The following PLAC1 variants were observed in gnomAD, a reference collection of about 807,000 sequenced individuals.
PLAC1 encodes the protein placenta associated 1.
For missense variants in PLAC1, 136 were observed against 163.2 expected (o/e 0.83, Z 0.91); for synonymous variants, 68 against 62.1 (o/e 1.09, Z -0.44).
chrX:134,726,821 C>CAAAAAA (rs749819041), intron 2 of PLAC1, among the ~76,000 whole-genome samples: 1 of 42,822 alleles, frequency 2.3e-5, no homozygotes, highest in African/African-American at 1.1e-4. Context: ...GACTCTGTCT[C>CAAAAAA]AAAAAAAAAA....
At chrX:134,591,187 A>G (rs1414857470) in intron 2 of PLAC1, among the ~76,000 whole-genome samples, 1 of 112,478 alleles carries the variant, frequency 8.9e-6, no homozygotes, top group East Asian at 2.8e-4. Flanking sequence ...CAATACAGGC[A>G]AAAATCTCAT....
At chrX:134,660,938 T>C (rs1227008928), upstream of PLAC1, among the ~76,000 whole-genome samples, 2 of 111,365 alleles carry the variant, frequency 1.8e-5, no homozygotes, top group Admixed American at 9.5e-5. Flanking sequence ...TTTCTCAATG[T>C]TGTTTTAAAA....
intron 2 of PLAC1, among the ~76,000 whole-genome samples, chrX:134,701,355 A>T (rs1443445159): frequency 8.9e-6 from 1 of 111,976 alleles, no homozygotes; most frequent in East Asian, 2.8e-4. Context: ...TCTAGGAAAC[A>T]TCATTCTGGA....
At chrX:134,714,526 C>T (rs1197617733) in intron 2 of PLAC1, among the ~76,000 whole-genome samples, 3 of 111,560 alleles carry the variant, frequency 2.7e-5, no homozygotes, top group Non-Finnish European at 5.6e-5. Context: ...CCATTTTAAG[C>T]GTACGATTCA....
chrX:134,726,565 C>T (rs1367040347), intron 2 of PLAC1, among the ~76,000 whole-genome samples: 1 of 111,719 alleles, frequency 9.0e-6, no homozygotes, highest in Admixed American at 9.5e-5. Flanking sequence ...TGGCTCACGC[C>T]TGTAATCCCA....
At chrX:134,727,163 G>A (rs909976437) in intron 2 of PLAC1, among the ~76,000 whole-genome samples, 1 of 111,549 alleles carries the variant, frequency 9.0e-6, no homozygotes. Context: ...GTTAGCAGGG[G>A]TGTGCTCCCC....
At chrX:134,584,319 G>A (rs750318560) in intron 2 of PLAC1, among the ~76,000 whole-genome samples, 1 of 111,825 alleles carries the variant, frequency 8.9e-6, no homozygotes, top group African/African-American at 3.2e-5. Flanking sequence ...CCCAGCAAGG[G>A]GTATCCAGAT....
chrX:134,693,482 A>C (rs925215489), intron 2 of PLAC1, among the ~76,000 whole-genome samples: 1 of 112,271 alleles, frequency 8.9e-6, no homozygotes, highest in African/African-American at 3.2e-5. Flanking sequence ...ACAATCCTGC[A>C]AGGAAGATGC....
At chrX:134,617,987 G>A (rs1011700947) in intron 1 of PLAC1, among the ~76,000 whole-genome samples, 1 of 111,994 alleles carries the variant, frequency 8.9e-6, no homozygotes, top group Non-Finnish European at 1.9e-5. Flanking sequence ...GATAAAATGA[G>A]AACAGGGATG....
At chrX:134,641,406 A>G (rs2078307148) in intron 1 of PLAC1, among the ~76,000 whole-genome samples, 1 of 112,578 alleles carries the variant, frequency 8.9e-6, no homozygotes, top group South Asian at 3.7e-4. Context: ...GGCAGGTAGC[A>G]CAGAGTGGGT....
At chrX:134,577,186 T>C (rs778673251) in intron 2 of PLAC1, among the ~76,000 whole-genome samples, 51 of 112,264 alleles carry the variant, frequency 4.5e-4, no homozygotes, top group Non-Finnish European at 7.5e-4. Context: ...TTGGTGCTGA[T>C]ATTTGATGCC....
chrX:134,586,943 C>T (rs780786118), intron 2 of PLAC1, among the ~76,000 whole-genome samples: 1 of 107,768 alleles, frequency 9.3e-6, no homozygotes, highest in South Asian at 4.2e-4. Flanking sequence ...GTGACCTGCC[C>T]GCCTTAAGCC....
At chrX:134,734,388 G>A (rs896623351) in intron 1 of PLAC1, among the ~76,000 whole-genome samples, 35 of 112,764 alleles carry the variant, frequency 3.1e-4, no homozygotes, top group Admixed American at 3.1e-3. Flanking sequence ...CAGCTCAGCA[G>A]ACCCAGTGCT....
At chrX:134,741,702 G>GAAAAAAAAAA (rs60020281) in intron 1 of PLAC1, among the ~76,000 whole-genome samples, 1 of 70,613 alleles carries the variant, frequency 1.4e-5, no homozygotes. Flanking sequence ...CTCTGTCTTG[G>GAAAAAAAAAA]AAAAAAAAAA....
chrX:134,626,805 C>A (rs1227967554), intron 1 of PLAC1, among the ~76,000 whole-genome samples: 4 of 112,408 alleles, frequency 3.6e-5, no homozygotes, highest in Non-Finnish European at 7.5e-5. Flanking sequence ...TTTAAATCCC[C>A]TAACTAAAAA....
In PLAC1 at chrX:134,637,852, G is replaced by GA. The variant is rs938228356; in HGVS notation, c.-131+20475dup. On this transcript the variant is annotated intron_variant, in intron 1 of 2. Transcript: ENST00000359237. ...AACAGAGTGACACTCCATCTCAAAAGAAAAAAAAATTGGGGGGATTGTATG... is the reference window on the plus strand; with the variant it reads ...AACAGAGTGACACTCCATCTCAAAAGAAAAAAAAAATTGGGGGGATTGTATG... Among the ~76,000 whole-genome samples, 34 of 109,551 alleles carry GA rather than the reference G, an allele frequency of 3.1e-4. No homozygotes were observed. In the South Asian group the frequency reaches 4.3e-3, roughly 14 times the overall value.
intron 1 of PLAC1, among the ~76,000 whole-genome samples, chrX:134,755,442 T>C (rs1448564270): frequency 4.5e-5 from 5 of 112,169 alleles, no homozygotes; most frequent in African/African-American, 1.6e-4. Context: ...TGGTAACTAG[T>C]ATGGAAGACA....
At chrX:134,634,009 G>C (rs912900237) in intron 1 of PLAC1, among the ~76,000 whole-genome samples, 6 of 111,459 alleles carry the variant, frequency 5.4e-5, no homozygotes, top group African/African-American at 2.0e-4. Context: ...GACTAGCTGT[G>C]TGACTTGAGC....
At chrX:134,741,583 G>A (rs1002999585) in intron 1 of PLAC1, among the ~76,000 whole-genome samples, 3 of 109,327 alleles carry the variant, frequency 2.7e-5, no homozygotes, top group African/African-American at 1.0e-4. Flanking sequence ...AAACAACCAC[G>A]ATAATAAGCC....
Sources: allele counts gnomAD v4.1 joint callset (sites outside exome capture counted in the v4.1 genomes callset), GRCh38; gene constraint gnomAD v4.1.1; transcripts MANE v1.5; gene names NCBI Gene and HGNC (gene_info 2026-07-23, HGNC 2026-07-21).